Variants in FGF12 observed in about 807,000 individuals in gnomAD.
FGF12 encodes the protein fibroblast growth factor 12B.
Under a neutral mutation model 23.6 loss-of-function variants are expected in FGF12, and 14 were observed. That is an observed-to-expected ratio of 0.59 (90% CI 0.39 to 0.93). The LOEUF is 0.93. Ranked by LOEUF, FGF12 falls within the 40% of genes least tolerant of loss-of-function variation. FGF12 has a pLI of 0.00. For missense variants in FGF12, 175 were observed against 217.8 expected (o/e 0.80, Z 1.24); for synonymous variants, 62 against 77.3 (o/e 0.80, Z 1.04).
chr3:192,705,826 T>G (rs1222468179), intron 2 of FGF12, among the ~76,000 whole-genome samples: 1 of 152,222 alleles, frequency 6.6e-6, no homozygotes, highest in East Asian at 1.9e-4. Flanking sequence ...CTGTATAATT[T>G]TTAAGCCATG....
intron 4 of FGF12, among the ~76,000 whole-genome samples, chr3:192,263,098 T>C (rs1435694096): frequency 1.3e-5 from 2 of 152,130 alleles, no homozygotes; most frequent in Non-Finnish European, 2.9e-5. Flanking sequence ...TCTATTTTTC[T>C]ACTCTGTACA....
intron 3 of FGF12, among the ~76,000 whole-genome samples, chr3:192,343,646 T>C (rs1459134263): frequency 6.6e-6 from 1 of 152,108 alleles, no homozygotes; most frequent in African/African-American, 2.4e-5. Context: ...AATACAAAAG[T>C]GGTTATATAA....
chr3:192,486,703 G>T (rs902830104), intron 2 of FGF12, among the ~76,000 whole-genome samples: 1 of 151,962 alleles, frequency 6.6e-6, no homozygotes, highest in Admixed American at 6.6e-5. Context: ...GAGTGGAATG[G>T]GAAGACATTG....
At chr3:192,676,052 A>G (rs886673811) in intron 2 of FGF12, among the ~76,000 whole-genome samples, 1 of 152,212 alleles carries the variant, frequency 6.6e-6, no homozygotes, top group Admixed American at 6.5e-5. Flanking sequence ...AATGTAGAGG[A>G]GAAAGAAGCC....
chr3:192,399,897 T>G (rs1217411587), intron 2 of FGF12, among the ~76,000 whole-genome samples: 1 of 152,198 alleles, frequency 6.6e-6, no homozygotes, highest in Non-Finnish European at 1.5e-5. Flanking sequence ...AAGAAAAGAC[T>G]CTATAGAGTA....
intron 2 of FGF12, among the ~76,000 whole-genome samples, chr3:192,573,392 G>C (rs1455936961): frequency 6.6e-6 from 1 of 152,166 alleles, no homozygotes; most frequent in Non-Finnish European, 1.5e-5. Flanking sequence ...TAAATCAGTA[G>C]AGTGAGTAAA....
intron 3 of FGF12, among the ~76,000 whole-genome samples, chr3:192,339,334 C>T (rs546835389): frequency 6.6e-6 from 1 of 152,300 alleles, no homozygotes; most frequent in Admixed American, 6.5e-5. Context: ...CTCAAAGCCA[C>T]TGTCCTAACT....
chr3:192,588,722 C>T (rs762260283), intron 2 of FGF12, among the ~76,000 whole-genome samples: 1 of 151,918 alleles, frequency 6.6e-6, no homozygotes, highest in Non-Finnish European at 1.5e-5. Flanking sequence ...CTCACCAAGG[C>T]TATACAGCTA....
chr3:192,711,422 C>T (rs758000591), intron 2 of FGF12, among the ~76,000 whole-genome samples: 33 of 150,128 alleles, frequency 2.2e-4, no homozygotes, highest in Non-Finnish European at 3.7e-4. Flanking sequence ...CCCCTCTGCC[C>T]GGCCGCCACC....
intron 2 of FGF12, among the ~76,000 whole-genome samples, chr3:192,445,768 T>C (rs1243525183): frequency 6.6e-6 from 1 of 152,066 alleles, no homozygotes; most frequent in Non-Finnish European, 1.5e-5. Flanking sequence ...TTCAAATAAT[T>C]AGCCAAGCAA....
At chr3:192,658,402 G>A (rs564869109) in intron 2 of FGF12, among the ~76,000 whole-genome samples, 7 of 152,226 alleles carry the variant, frequency 4.6e-5, no homozygotes, top group African/African-American at 1.7e-4. Context: ...ACGTTCCCTT[G>A]GGTACCTAAA....
intron 4 of FGF12, among the ~76,000 whole-genome samples, chr3:192,328,496 G>A (rs1302361201): frequency 6.6e-6 from 1 of 152,156 alleles, no homozygotes; most frequent in East Asian, 1.9e-4. Flanking sequence ...ACAGGAAGAC[G>A]ACAATAGAAG....
rs1714475765 is a variant in FGF12 at position 192,286,869 on chromosome 3, C to T, written c.228+48492G>A. Among the ~76,000 whole-genome samples the T allele has an allele frequency of 2.0e-5, 3 of 152,134 alleles. No homozygotes were observed. In the South Asian group the frequency reaches 6.2e-4, roughly 31 times the overall value. On this transcript the variant is annotated intron_variant, in intron 4 of 5. Transcript: ENST00000445105. ...CTATATATCTGCTGCTAAGCCATGG[C>T]ATGCACACTTACAATGTACAGAAGT...
chr3:192,683,323 A>G (rs1717612437), intron 2 of FGF12, among the ~76,000 whole-genome samples: 2 of 152,178 alleles, frequency 1.3e-5, no homozygotes, highest in African/African-American at 4.8e-5. Flanking sequence ...CGTACAATAT[A>G]CCTACTAGAC....
chr3:192,232,391 A>C (rs932912884), intron 4 of FGF12, among the ~76,000 whole-genome samples: 36 of 152,290 alleles, frequency 2.4e-4, no homozygotes, highest in Non-Finnish European at 5.1e-4. Flanking sequence ...GAAAACTCTT[A>C]ATAAAAGATC....
chr3:192,417,726 T>C (rs565652489), intron 2 of FGF12, among the ~76,000 whole-genome samples: 68 of 152,062 alleles, frequency 4.5e-4, no homozygotes, highest in Non-Finnish European at 7.7e-4. Context: ...CTTATCTCCT[T>C]TGTACATCTA....
At chr3:192,232,297 G>A (rs558120221) in intron 4 of FGF12, among the ~76,000 whole-genome samples, 2 of 152,202 alleles carry the variant, frequency 1.3e-5, no homozygotes, top group South Asian at 4.1e-4. Flanking sequence ...AAGAAGGAAT[G>A]ATTATGATAC....
chr3:192,201,045 A>C (rs2108661647), intron 4 of FGF12, among the ~76,000 whole-genome samples: 1 of 152,298 alleles, frequency 6.6e-6, no homozygotes, highest in East Asian at 1.9e-4. Context: ...GTCTCCAGAT[A>C]ATCCCTCTGT....
chr3:192,217,415 A>C (rs571471376), intron 4 of FGF12, among the ~76,000 whole-genome samples: 3 of 152,288 alleles, frequency 2.0e-5, no homozygotes, highest in Admixed American at 2.0e-4. Flanking sequence ...ATTCAAGCTG[A>C]AGCAAAGAGG....
Sources: gnomAD v4.1 joint callset for allele counts (sites outside exome capture counted in the v4.1 genomes callset) on GRCh38, gnomAD v4.1.1 for gene constraint, MANE v1.5 for transcripts, NCBI Gene and HGNC (gene_info 2026-07-23, HGNC 2026-07-21) for gene names.